Variants in PRKCZ observed in about 807,000 individuals in gnomAD.
PRKCZ encodes the protein protein kinase C zeta, also known as protein kinase C zeta type.
PRKCZ carries 33 observed loss-of-function variants against 79.5 expected under a neutral mutation model. The observed-to-expected ratio is 0.41, with a 90% CI of 0.31 to 0.55. The LOEUF is 0.55. Ranked by LOEUF, PRKCZ falls within the 20% of genes least tolerant of loss-of-function variation. The probability of loss-of-function intolerance (pLI) is 0.19; values close to 1 mark genes in which losing one functional copy is unlikely to be tolerated. For synonymous variants in PRKCZ, 342 were observed against 320.9 expected (o/e 1.07, Z -0.70); for missense variants, 578 against 813.5 (o/e 0.71, Z 3.52).
At chr1:2,124,821 G>T (rs1673553585) in intron 4 of PRKCZ, among the ~76,000 whole-genome samples, 1 of 151,938 alleles carries the variant, frequency 6.6e-6, no homozygotes, top group Admixed American at 6.6e-5. Context: ...GCATCTCTCT[G>T]GCAACACCTT....
At position 2,117,998 on chromosome 1, in the gene PRKCZ, C is replaced by CTTTTTTTTTTTTTTTTTT. The variant is rs1553152756; in HGVS notation, c.335-17248_335-17247insTTTTTTTTTTTTTTTTTT. On this transcript the variant is annotated intron_variant, in intron 4 of 17. Transcript: ENST00000378567. ...TATGAGAGAGATTAGCCTATTATTT[C>CTTTTTTTTTTTTTTTTTT]TTTTTTTTTTTTTTTTGGAGTCTCA... Among the ~76,000 whole-genome samples, 26 of 65,050 alleles carry CTTTTTTTTTTTTTTTTTT rather than the reference C, an allele frequency of 4.0e-4. 1 individual carries two copies. The highest frequency in any genetic ancestry group is 1.2e-3 in the East Asian group (2 of 1,728). The allele number at this position is 65,050 out of a possible 152,430, so 42.7% of individuals were successfully genotyped here. A position where few individuals can be genotyped will look rare whatever the true frequency, so the allele number is the denominator to read the frequency against.
chr1:2,161,490 C>T (rs940677844), intron 10 of PRKCZ, among the ~76,000 whole-genome samples: 2 of 152,236 alleles, frequency 1.3e-5, no homozygotes, highest in African/African-American at 4.8e-5. Context: ...ACCCCCAGGA[C>T]ATGGGCTTTG....
chr1:2,061,545 G>A (rs1043602268), intron 4 of PRKCZ, among the ~76,000 whole-genome samples: 12 of 152,200 alleles, frequency 7.9e-5, no homozygotes, highest in African/African-American at 2.4e-4. Flanking sequence ...CACGTGAGTA[G>A]GTCCTTGAGA....
intron 5 of PRKCZ, among the ~76,000 whole-genome samples, chr1:2,138,100 A>G (rs767641609): frequency 3.3e-5 from 5 of 152,210 alleles, no homozygotes; most frequent in Non-Finnish European, 7.3e-5. Context: ...TGTTAATTGC[A>G]GGACCACTCA....
intron 4 of PRKCZ, among the ~76,000 whole-genome samples, chr1:2,100,088 A>G (rs1667193794): frequency 6.6e-6 from 1 of 152,272 alleles, no homozygotes; most frequent in East Asian, 1.9e-4. Context: ...TCTTGCTGAC[A>G]CTGTCATTAG....
At chr1:2,101,361 T>C (rs1164467685) in intron 4 of PRKCZ, among the ~76,000 whole-genome samples, 1 of 152,254 alleles carries the variant, frequency 6.6e-6, no homozygotes, top group East Asian at 1.9e-4. Flanking sequence ...CCTCGCCCCT[T>C]CTCTGGTGGT....
At chr1:2,051,560 G>GCTCCGGAC (rs1284473506) in intron 1 of PRKCZ, among the ~76,000 whole-genome samples, 1 of 152,236 alleles carries the variant, frequency 6.6e-6, no homozygotes, top group Non-Finnish European at 1.5e-5. Flanking sequence ...CAGAATGCGG[G>GCTCCGGAC]CTCCGGACTT....
chr1:2,110,699 C>T (rs1451887173), intron 4 of PRKCZ, among the ~76,000 whole-genome samples: 1 of 150,632 alleles, frequency 6.6e-6, no homozygotes, highest in East Asian at 2.0e-4. Context: ...GACTGTGGGC[C>T]TCTGCCTGAA....
chr1:2,056,069 G>A (rs1046948060), intron 2 of PRKCZ, among the ~76,000 whole-genome samples: 19 of 152,192 alleles, frequency 1.2e-4, no homozygotes, highest in African/African-American at 4.8e-5. Flanking sequence ...ACGGCCGTGC[G>A]GGTGGAGCCT....
At chr1:2,126,509 A>G (rs1351960953) in intron 4 of PRKCZ, among the ~76,000 whole-genome samples, 3 of 148,630 alleles carry the variant, frequency 2.0e-5, no homozygotes, top group Non-Finnish European at 4.5e-5. Context: ...TGCCATGCCC[A>G]CCCCCCTCCA....
intron 4 of PRKCZ, among the ~76,000 whole-genome samples, chr1:2,065,678 C>CAAAA (rs61017134): frequency 1.8e-5 from 1 of 56,106 alleles, no homozygotes; most frequent in South Asian, 5.9e-4. Context: ...GACTCTGTCT[C>CAAAA]AAAAAAAAAA....
chr1:2,154,260 G>C (rs573184524), intron 9 of PRKCZ, among the ~76,000 whole-genome samples: 12 of 152,234 alleles, frequency 7.9e-5, no homozygotes, highest in African/African-American at 2.9e-4. Flanking sequence ...AGATACCCGG[G>C]TGCACATGTT....
chr1:2,161,049 C>T (rs1682179322), intron 10 of PRKCZ, among the ~76,000 whole-genome samples: 1 of 152,128 alleles, frequency 6.6e-6, no homozygotes, highest in Admixed American at 6.5e-5. Context: ...GGTGCCTCTT[C>T]TTGGGGAACA....
chr1:2,175,322 T>C lies in PRKCZ; in HGVS notation c.1575+9T>C, dbSNP rs897244323. The C allele has an allele frequency of 2.2e-5, 36 of 1,608,952 alleles. No homozygotes were observed. The highest frequency in any genetic ancestry group is 2.8e-5 in the Non-Finnish European group (33 of 1,176,150). ...GCATAGACTGGGACTTGGTAAAGCATCACAAAGCCTATTTGCACCCCCATC... is the reference window on the plus strand; with the variant it reads ...GCATAGACTGGGACTTGGTAAAGCACCACAAAGCCTATTTGCACCCCCATC... On this transcript the variant is annotated intron_variant, in intron 16 of 17. Coordinates refer to ENST00000378567, the MANE Select transcript of PRKCZ (RefSeq NM_002744.6).
At chr1:2,147,945 T>G (rs1273693119) in intron 7 of PRKCZ, among the ~76,000 whole-genome samples, 2 of 150,814 alleles carry the variant, frequency 1.3e-5, no homozygotes, top group African/African-American at 4.9e-5. Flanking sequence ...TATCCATCTA[T>G]CTATTGTCCA....
upstream of PRKCZ, among the ~76,000 whole-genome samples, chr1:2,050,254 C>T (rs1411312606): frequency 6.6e-6 from 1 of 151,816 alleles, no homozygotes; most frequent in African/African-American, 2.4e-5. Flanking sequence ...CGACAGGTAG[C>T]CCCGCCCGCG....
intron 16 of PRKCZ, among the ~76,000 whole-genome samples, chr1:2,175,705 G>A (rs538400723): frequency 6.6e-6 from 1 of 152,212 alleles, no homozygotes; most frequent in African/African-American, 2.4e-5. Flanking sequence ...CTGTCTCCCA[G>A]AAGGGTCAGC....
At chr1:2,086,249 C>T (rs1436887078) in intron 4 of PRKCZ, among the ~76,000 whole-genome samples, 3 of 151,856 alleles carry the variant, frequency 2.0e-5, no homozygotes, top group Non-Finnish European at 4.4e-5. Context: ...TTGATAGAGA[C>T]AGGGTTTCTC....
At chr1:2,164,706 T>C (rs1157717153) in intron 10 of PRKCZ, among the ~76,000 whole-genome samples, 2 of 152,218 alleles carry the variant, frequency 1.3e-5, no homozygotes, top group African/African-American at 4.8e-5. Context: ...ATTTTTAAAT[T>C]TTCCTAATTT....
Sources: allele counts gnomAD v4.1 joint callset (sites outside exome capture counted in the v4.1 genomes callset), GRCh38; gene constraint gnomAD v4.1.1; transcripts MANE v1.5; gene names NCBI Gene and HGNC (gene_info 2026-07-23, HGNC 2026-07-21).